Variants in RSBN1L observed in about 807,000 individuals in gnomAD.
RSBN1L encodes the protein round spermatid basic protein 1 like.
RSBN1L carries 30 observed loss-of-function variants against 67.7 expected under a neutral mutation model. That is an observed-to-expected ratio of 0.44 (90% CI 0.33 to 0.60). The LOEUF is 0.60. Ranked by LOEUF, RSBN1L falls within the 20% of genes least tolerant of loss-of-function variation. The probability of loss-of-function intolerance (pLI) is 0.02; values close to 1 mark genes in which losing one functional copy is unlikely to be tolerated. For synonymous variants in RSBN1L, 433 were observed against 387.0 expected (o/e 1.12, Z -1.39); for missense variants, 992 against 1,031.7 (o/e 0.96, Z 0.53).
At chr7:77,776,944 G>T (rs1791926197) in intron 6 of RSBN1L, among the ~76,000 whole-genome samples, 1 of 150,806 alleles carries the variant, frequency 6.6e-6, no homozygotes, top group Non-Finnish European at 1.5e-5. Flanking sequence ...TTACCATTTT[G>T]CTTTTTCCAA....
chr7:77,700,821 A>T (rs1790805729), intron 1 of RSBN1L, among the ~76,000 whole-genome samples: 1 of 152,164 alleles, frequency 6.6e-6, no homozygotes, highest in African/African-American at 2.4e-5. Context: ...CACATGGGCA[A>T]ATCTGTCAGA....
chr7:77,736,193 T>C (rs1045956147), intron 1 of RSBN1L, among the ~76,000 whole-genome samples: 1 of 152,138 alleles, frequency 6.6e-6, no homozygotes, highest in South Asian at 2.1e-4. Flanking sequence ...GAATAAAATG[T>C]ATAATGATAC....
intron 2 of RSBN1L, among the ~76,000 whole-genome samples, chr7:77,747,078 C>T (rs1791494140): frequency 6.6e-6 from 1 of 152,048 alleles, no homozygotes; most frequent in South Asian, 2.1e-4. Context: ...AGGACAGTGG[C>T]CCTCTTCTCA....
chr7:77,758,837 T>G (rs563816541), intron 3 of RSBN1L, among the ~76,000 whole-genome samples: 1 of 152,340 alleles, frequency 6.6e-6, no homozygotes, highest in East Asian at 1.9e-4. Flanking sequence ...TGTCAAGAAA[T>G]AAATTAGATT....
chr7:77,731,197 T>C (rs1791267074), intron 1 of RSBN1L, among the ~76,000 whole-genome samples: 1 of 152,074 alleles, frequency 6.6e-6, no homozygotes, highest in Admixed American at 6.6e-5. Context: ...TCTCTTAAGG[T>C]CTTTAGTGTT....
At position 77,717,733 on chromosome 7, in the gene RSBN1L, A is replaced by G. The variant is rs575607041; in HGVS notation, c.587-18677A>G. Among the ~76,000 whole-genome samples the G allele has an allele frequency of 6.6e-5, 10 of 152,306 alleles. No individual in the cohort carries two copies. In the South Asian group the frequency reaches 1.0e-3, roughly 16 times the overall value. On this transcript the variant is annotated intron_variant, in intron 1 of 7. Coordinates refer to ENST00000334955, the MANE Select transcript of RSBN1L (RefSeq NM_198467.3). ...TACTAAGGCAGTTAAGAAAGGGACA[A>G]GGTCCCGGGTGTGGCTGCTCACACC...
intron 3 of RSBN1L, among the ~76,000 whole-genome samples, chr7:77,756,224 C>G (rs374423094): frequency 1.1e-4 from 16 of 151,784 alleles, no homozygotes; most frequent in African/African-American, 3.4e-4. Context: ...CTCTGTCTCC[C>G]GGGTTCAAGC....
chr7:77,703,006 C>T (rs914274035), intron 1 of RSBN1L, among the ~76,000 whole-genome samples: 4 of 152,134 alleles, frequency 2.6e-5, no homozygotes, highest in Non-Finnish European at 5.9e-5. Flanking sequence ...TTTGGGGAGG[C>T]ATGATTCAGT....
In RSBN1L at chr7:77,697,003, G is replaced by A. The variant is rs1469178660; in HGVS notation, c.534G>A (p.Glu178=). Residue 178 remains glutamate (E), a synonymous_variant, in exon 1 of 8, where the codon GAG becomes GAA. Coordinates refer to ENST00000334955, the MANE Select transcript of RSBN1L (RefSeq NM_198467.3). ...GGCACGGTCTCGGTGGGGCCCGAGA[G>A]GCCGGCGGGGCCTCCCGGGAGGAGA... ...RRRHGLGGAR[E]AGGASREENG... is the part of the protein sequence containing the mutation. The A allele has an allele frequency of 6.5e-7, 1 of 1,531,432 alleles. No individual in the cohort carries two copies. The highest frequency in any genetic ancestry group is 8.7e-7 in the Non-Finnish European group (1 of 1,145,358). 94.9% of individuals were successfully genotyped at this position (1,531,432 alleles called of 1,614,324 possible).
chr7:77,726,644 G>A (rs975896715), intron 1 of RSBN1L, among the ~76,000 whole-genome samples: 3 of 151,950 alleles, frequency 2.0e-5, no homozygotes, highest in Non-Finnish European at 4.4e-5. Context: ...GAACGTTGCT[G>A]TGTCACCCAG....
chr7:77,704,256 T>C (rs899821262), intron 1 of RSBN1L, among the ~76,000 whole-genome samples: 1 of 152,240 alleles, frequency 6.6e-6, no homozygotes, highest in African/African-American at 2.4e-5. Flanking sequence ...TCAGAAGTTT[T>C]AAGTTGATTA....
At chr7:77,709,698 T>C (rs926240748) in intron 1 of RSBN1L, among the ~76,000 whole-genome samples, 3 of 152,166 alleles carry the variant, frequency 2.0e-5, no homozygotes, top group African/African-American at 4.8e-5. Flanking sequence ...ATTTTCCTTA[T>C]TTGTCTTCTG....
intron 3 of RSBN1L, among the ~76,000 whole-genome samples, chr7:77,750,789 C>T (rs544702974): frequency 1.3e-4 from 20 of 152,094 alleles, no homozygotes; most frequent in Middle Eastern, 3.4e-3. Context: ...TTTTTGGTTT[C>T]TAGGACAACA....
rs1221326900 is a variant in RSBN1L, at chr7:77,701,151, C to CA, written c.586+4115dup. ...TGGGCGACAGAGCAAGACTCTGGCT[C>CA]AAAAAAAAAAAAAAAAAAACAACAA... On this transcript the variant is annotated intron_variant, in intron 1 of 7. Transcript: ENST00000334955. Among the ~76,000 whole-genome samples, 504 of 88,394 alleles carry CA rather than the reference C, an allele frequency of 5.7e-3. 3 individuals carry two copies. Among genetic ancestry groups the CA allele is most frequent in the African/African-American group, 0.011 (271 of 24,662 alleles). 58.0% of individuals were successfully genotyped at this position (88,394 alleles called of 152,430 possible).
chr7:77,713,681 A>ATTT (rs1791008076), intron 1 of RSBN1L, among the ~76,000 whole-genome samples: 1 of 147,130 alleles, frequency 6.8e-6, no homozygotes, highest in African/African-American at 2.5e-5. Context: ...TTTTTTTTTA[A>ATTT]AAATAGAGAC....
intron 1 of RSBN1L, among the ~76,000 whole-genome samples, chr7:77,701,163 AAAAAAAAC>A (rs1387317890): frequency 7.9e-5 from 9 of 114,068 alleles, no homozygotes; most frequent in African/African-American, 3.2e-4. Context: ...AAAAAAAAAA[AAAAAAAAC>A]AACAACAACA....
At chr7:77,772,646 C>T (rs1161878722) in intron 5 of RSBN1L, among the ~76,000 whole-genome samples, 1 of 152,158 alleles carries the variant, frequency 6.6e-6, no homozygotes, top group African/African-American at 2.4e-5. Flanking sequence ...TTGATTCTTC[C>T]CTCACTAGAC....
At chr7:77,736,942 A>C (rs117441514) in intron 2 of RSBN1L, among the ~76,000 whole-genome samples, 2 of 152,222 alleles carry the variant, frequency 1.3e-5, no homozygotes, top group African/African-American at 2.4e-5. Context: ...ACCATAGTCT[A>C]GCATTTAGAG....
At chr7:77,719,673 T>C (rs1473351934) in intron 1 of RSBN1L, among the ~76,000 whole-genome samples, 1 of 152,242 alleles carries the variant, frequency 6.6e-6, no homozygotes, top group Non-Finnish European at 1.5e-5. Flanking sequence ...ACCAATCTTT[T>C]CTGATAGTTT....
Sources: gnomAD v4.1 joint callset for allele counts (sites outside exome capture counted in the v4.1 genomes callset) on GRCh38, gnomAD v4.1.1 for gene constraint, MANE v1.5 for transcripts, NCBI Gene and HGNC (gene_info 2026-07-23, HGNC 2026-07-21) for gene names.